SLC19A1: variants seen among roughly 807,000 people sequenced by gnomAD.
SLC19A1 encodes solute carrier family 19 member 1.
SLC19A1 carries 37 observed loss-of-function variants against 35.3 expected under a neutral mutation model. The ratio of observed to expected loss-of-function variants is 1.05; its 90% confidence interval spans 0.81 to 1.38. The LOEUF is 1.38. Ranked by LOEUF, SLC19A1 falls within the 40% of genes most tolerant of loss-of-function variation. The pLI is 0.00. For synonymous variants in SLC19A1, 460 were observed against 398.5 expected, an observed-to-expected ratio of 1.15 and a Z score of -1.84; for missense variants, 831 against 826.9, an observed-to-expected ratio of 1.00 and a Z score of -0.06.
chr21:45,512,154 C>G (rs1424546711), downstream of SLC19A1: 9 of 1,593,622 alleles, frequency 5.6e-6, no homozygotes, highest in African/African-American at 9.4e-5. Flanking sequence ...CAGAGCAGGT[C>G]TGGGTTTGAC....
chr21:45,525,526 A>G (rs1392221442), intron 5 of SLC19A1, among the ~76,000 whole-genome samples: 1 of 152,254 alleles, frequency 6.6e-6, no homozygotes, highest in Non-Finnish European at 1.5e-5. Context: ...TCCGGCAGCC[A>G]CAGGCAGAGA....
intron 5 of SLC19A1, among the ~76,000 whole-genome samples, chr21:45,521,398 T>C (rs1263704733): frequency 6.6e-6 from 1 of 152,252 alleles, no homozygotes; most frequent in Non-Finnish European, 1.5e-5. Context: ...AGATATACCA[T>C]GTTCATGGAT....
At position 45,515,786 on chromosome 21, in the gene SLC19A1, A is replaced by G. The variant is rs1184556790; in HGVS notation, c.1648T>C (p.Ser550Pro). Residue 550 changes from serine (S) to proline (P), a missense_variant, in exon 6 of 6, where the codon TCC becomes CCC. Ser to Pro is a moderately conservative substitution (Grantham distance 74). Coordinates refer to ENST00000311124, the MANE Select transcript of SLC19A1 (RefSeq NM_194255.4). ...VTTPSPCTLC[S>P]AQASGPEAAD... ...GCCTCAGGGCCTGAGGCTTGGGCGG[A>G]GCACAGAGTGCAGGGGGAAGGGGTT... 1.2e-6 allele frequency: 2 copies of G among 1,613,476 alleles called. No homozygotes were observed. Among genetic ancestry groups the G allele is most frequent in the Admixed American group, 1.7e-5 (1 of 59,956 alleles).
intron 1 of SLC19A1, among the ~76,000 whole-genome samples, chr21:45,555,214 TGGGGGGCGCC>T (rs2078538036): frequency 8.7e-4 from 2 of 2,292 alleles, no homozygotes; most frequent in Non-Finnish European, 1.4e-3. Context: ...CAGGGGGCGG[TGGGGGGCGCC>T]GGGGGGCGGC....
rs1190162633 is a variant in SLC19A1, at chr21:45,516,015, C to A, written c.1419G>T (p.Arg473Ser). Residue 473 changes from arginine (R) to serine (S), a missense_variant, in exon 6 of 6, where the codon AGG becomes AGT. Arg to Ser is a moderately radical substitution (Grantham distance 110). Transcript: ENST00000311124. ...HPRQPPAQGL[R>S]SAAEEKAAQA... ...GTGCTGCCTTCTCCTCCGCGGCACT[C>A]CTCAGGCCCTGGGCCGGGGGCTGCC... 1 of 1,576,022 alleles carries A rather than the reference C, an allele frequency of 6.3e-7. No homozygotes were observed. Among genetic ancestry groups the A allele is most frequent in the South Asian group, 1.2e-5 (1 of 86,638 alleles).
rs770696109 is a variant in SLC19A1 at position 45,507,486 on chromosome 21, C to T, written c.498-8874G>A. 1.0e-3 allele frequency: 460 copies of T among 453,524 alleles called. 1 individual carries two copies. The African/African-American group carries it at 0.011, about 11-fold the overall frequency. 28.1% of individuals were successfully genotyped at this position (453,524 alleles called of 1,614,324 possible). ...GGGCCAGGTGCTGGGGCGGGAGAGT[C>T]GGGTGCTGGGCAGGGAGGGCACCCT... On this transcript the variant is annotated intron_variant, in intron 3 of 4. Coordinates refer to the SLC19A1 transcript ENST00000417954.
chr21:45,560,852 C>T (rs551200611), intron 1 of SLC19A1, among the ~76,000 whole-genome samples: 1 of 152,356 alleles, frequency 6.6e-6, no homozygotes, highest in African/African-American at 2.4e-5. Context: ...CGGCGCTGTC[C>T]TCTGAGCTGG....
At chr21:45,559,666 C>T (rs796854093) in intron 1 of SLC19A1, among the ~76,000 whole-genome samples, 25 of 152,138 alleles carry the variant, frequency 1.6e-4, no homozygotes, top group African/African-American at 5.1e-4. Flanking sequence ...CACCTGTGCG[C>T]GAGTTTTCTC....
intron 3 of SLC19A1, among the ~76,000 whole-genome samples, chr21:45,503,308 T>G (rs1394359598): frequency 6.6e-6 from 1 of 152,138 alleles, no homozygotes. Flanking sequence ...GATTTGCATT[T>G]CTCTGATGGC....
intron 3 of SLC19A1, 144 bp downstream of exon 3, chr21:45,531,245 G>T: frequency 1.0e-6 from 1 of 982,760 alleles, no homozygotes; most frequent in Non-Finnish European, 1.4e-6. Flanking sequence ...CGGGGCAGGG[G>T]GAGGTGGCGG....
chr21:45,510,619 T>C (rs1272653802), downstream of SLC19A1, among the ~76,000 whole-genome samples: 1 of 152,216 alleles, frequency 6.6e-6, no homozygotes, highest in African/African-American at 2.4e-5. Context: ...AACCGTCCTT[T>C]GGGCCTCTAG....
In SLC19A1 at chr21:45,517,010, G is replaced by C. The variant is rs148976061; in HGVS notation, c.1294-870C>G. On this transcript the variant is annotated intron_variant, in intron 5 of 5. Transcript: ENST00000311124. The surrounding 1 kb of genome is among the most constrained non-coding windows in gnomAD (Gnocchi z 4.4). ...ATAAACACCTGGGAAGACTCTGAAA[G>C]CAGGAGCGAGGAGGACAGACTGACC... Among the ~76,000 whole-genome samples the C allele has an allele frequency of 1.3e-3, 205 of 152,330 alleles. No homozygotes were observed. The highest frequency in any genetic ancestry group is 0.01 in the Middle Eastern group (3 of 294).
At position 45,515,157 on chromosome 21, in the gene SLC19A1, G is replaced by C. The variant is rs550924654; in HGVS notation, c.*501C>G. ...AGCCACATGCAGTTCTTCATTCTACGTCAGTTAAAAAAAAAAAAAGCATCT... is the reference window on the plus strand; with the variant it reads ...AGCCACATGCAGTTCTTCATTCTACCTCAGTTAAAAAAAAAAAAAGCATCT... On this transcript the variant is annotated 3_prime_UTR_variant, in exon 6 of 6. Transcript: ENST00000311124. 4.9e-5 allele frequency: 73 copies of C among 1,485,710 alleles called. No homozygotes were observed. Among genetic ancestry groups the C allele is most frequent in the Non-Finnish European group, 6.0e-5 (68 of 1,128,416 alleles). The allele number at this position is 1,485,710 out of a possible 1,614,324, so 92.0% of individuals were successfully genotyped here. A position where few individuals can be genotyped will look rare whatever the true frequency, so the allele number is the denominator to read the frequency against.
At chr21:45,546,588 G>T (rs1402272218), upstream of SLC19A1, among the ~76,000 whole-genome samples, 3 of 152,244 alleles carry the variant, frequency 2.0e-5, no homozygotes, top group Non-Finnish European at 4.4e-5. Context: ...TGCTTAAATA[G>T]CCCATCTTTA....
At chr21:45,560,759 C>A (rs2078608241) in intron 1 of SLC19A1, among the ~76,000 whole-genome samples, 2 of 152,218 alleles carry the variant, frequency 1.3e-5, no homozygotes, top group African/African-American at 4.8e-5. Context: ...AGGACGAACC[C>A]AATGCTGGGC....
chr21:45,506,028 TAAGG>T (rs2146089258), intron 3 of SLC19A1: 1 of 1,610,894 alleles, frequency 6.2e-7, no homozygotes, highest in East Asian at 2.2e-5. Flanking sequence ...TCCTGGGGCT[TAAGG>T]AAGGCGAGAG....
In SLC19A1 at chr21:45,505,147, A is replaced by G. The variant is rs1395788254; in HGVS notation, c.498-6535T>C. 1.2e-6 allele frequency: 2 copies of G among 1,609,364 alleles called. No individual in the cohort carries two copies. Among genetic ancestry groups the G allele is most frequent in the Admixed American group, 3.4e-5 (2 of 59,658 alleles). ...CGCCGTCCGTAGGGTCCCAAGGGAG[A>G]GAGCATCCGGGGCCAGCCCGGCCCA... On this transcript the variant is annotated intron_variant, in intron 3 of 4. Transcript: ENST00000417954.
chr21:45,526,918 G>T (rs1034276154), intron 4 of SLC19A1, among the ~76,000 whole-genome samples: 1 of 152,246 alleles, frequency 6.6e-6, no homozygotes, highest in Non-Finnish European at 1.5e-5. Flanking sequence ...TACAATGGGT[G>T]TCACAAAACA....
At chr21:45,539,017 C>T (rs777907978) in intron 1 of SLC19A1, among the ~76,000 whole-genome samples, 8 of 152,242 alleles carry the variant, frequency 5.3e-5, no homozygotes, top group Non-Finnish European at 7.3e-5. Context: ...CGTCTCACCA[C>T]CACAAATCGT....
Sources: gnomAD v4.1 joint callset for allele counts (sites outside exome capture counted in the v4.1 genomes callset) on GRCh38, gnomAD v4.1.1 for gene constraint, Gnocchi (gnomAD v3.1) non-coding constraint, MANE v1.5 for transcripts, NCBI Gene and HGNC (gene_info 2026-07-23, HGNC 2026-07-21) for gene names.